The following CCDC152 variants were observed in gnomAD, a reference collection of about 807,000 sequenced individuals.
CCDC152 encodes coiled-coil domain containing 152, also known as coiled-coil domain-containing protein 152.
A neutral mutation model predicts 38.1 loss-of-function variants in CCDC152; 37 were observed. The ratio of observed to expected loss-of-function variants is 0.97; its 90% confidence interval spans 0.75 to 1.28. The LOEUF is 1.28. Ranked by LOEUF, CCDC152 falls within the 50% of genes most tolerant of loss-of-function variation. The pLI is 0.00. For synonymous variants in CCDC152, 83 were observed against 87.1 expected, an observed-to-expected ratio of 0.95 and a Z score of 0.26; for missense variants, 259 against 292.1, an observed-to-expected ratio of 0.89 and a Z score of 0.83.
chr5:42,758,912 T>C (rs1428955746), intron 1 of CCDC152, among the ~76,000 whole-genome samples: 1 of 152,122 alleles, frequency 6.6e-6, no homozygotes, highest in East Asian at 1.9e-4. Context: ...ATAAGTCAAC[T>C]GGGGTGTGGG....
At chr5:42,768,997 A>G (rs1185441206) in intron 3 of CCDC152, among the ~76,000 whole-genome samples, 1 of 152,132 alleles carries the variant, frequency 6.6e-6, no homozygotes, top group East Asian at 1.9e-4. Context: ...TTAGGAGACC[A>G]AGGGGGGTGG....
chr5:42,776,001 A>G (rs1561275345), intron 4 of CCDC152, among the ~76,000 whole-genome samples: 1 of 151,988 alleles, frequency 6.6e-6, no homozygotes, highest in Non-Finnish European at 1.5e-5. Flanking sequence ...TCAAAACCAT[A>G]AAAGGCAGAA....
intron 6 of CCDC152, among the ~76,000 whole-genome samples, chr5:42,786,207 A>T (rs1593071): frequency 6.6e-6 from 1 of 151,790 alleles, no homozygotes; most frequent in Non-Finnish European, 1.5e-5. Context: ...TTCTTTGTAC[A>T]TCTGGTAGAA....
chr5:42,759,114 T>C lies in CCDC152; in HGVS notation c.-2-6T>C. ...TTTAACACTATCTACTGTTTACTAC[T>C]TTCAGGCATGGACCAAAGCAGTGAA... On this transcript the variant is annotated splice_polypyrimidine_tract_variant and splice_region_variant and intron_variant, in intron 1 of 8. Transcript: ENST00000361970. 6.5e-7 allele frequency: 1 copy of C among 1,541,900 alleles called. No homozygotes were observed. Among genetic ancestry groups the C allele is most frequent in the Non-Finnish European group, 8.8e-7 (1 of 1,139,294 alleles).
intron 2 of CCDC152, 150 bp from the exon 3 acceptor site, chr5:42,762,293 T>C: frequency 1.9e-6 from 1 of 529,038 alleles, no homozygotes; most frequent in Non-Finnish European, 3.4e-6. Context: ...GATCAAAATG[T>C]CTTTATGCAG....
At chr5:42,775,862 A>T (rs1048826348) in intron 4 of CCDC152, among the ~76,000 whole-genome samples, 2 of 151,740 alleles carry the variant, frequency 1.3e-5, no homozygotes, top group African/African-American at 4.8e-5. Context: ...TGGATTTGAA[A>T]GTGGACCTGA....
At chr5:42,757,781 T>C (rs531116593) in intron 1 of CCDC152, among the ~76,000 whole-genome samples, 1 of 152,200 alleles carries the variant, frequency 6.6e-6, no homozygotes, top group East Asian at 1.9e-4. Context: ...GGGAAGGAGT[T>C]GAGAGAAAAT....
At chr5:42,788,410 A>G (rs533344901) in intron 6 of CCDC152, among the ~76,000 whole-genome samples, 170 of 152,226 alleles carry the variant, frequency 1.1e-3, no homozygotes, top group African/African-American at 3.7e-3. Flanking sequence ...TCAGGCTAAC[A>G]TAGTAGACTT....
At chr5:42,772,894 AG>A (rs1489047444) in intron 4 of CCDC152, among the ~76,000 whole-genome samples, 1 of 152,144 alleles carries the variant, frequency 6.6e-6, no homozygotes, top group African/African-American at 2.4e-5. Context: ...TCTCCTTAAC[AG>A]GAAACGGTTT....
chr5:42,769,728 G>T, intron 4 of CCDC152, 63 bp downstream of exon 4: 1 of 1,423,740 alleles, frequency 7.0e-7, no homozygotes. Context: ...TTTAAAAATA[G>T]GAAGTTTTTA....
At chr5:42,784,919 T>C (rs1007697773) in intron 6 of CCDC152, among the ~76,000 whole-genome samples, 2 of 152,168 alleles carry the variant, frequency 1.3e-5, no homozygotes, top group Non-Finnish European at 2.9e-5. Context: ...GTTGCAGGTG[T>C]GTGGCTTTAT....
intron 5 of CCDC152, among the ~76,000 whole-genome samples, chr5:42,782,293 G>A (rs1203777682): frequency 6.6e-6 from 1 of 152,164 alleles, no homozygotes; most frequent in Non-Finnish European, 1.5e-5. Context: ...TGGCTCTAAT[G>A]TATAGTTTTG....
chr5:42,785,857 C>G (rs1254047632), intron 6 of CCDC152, among the ~76,000 whole-genome samples: 7 of 151,988 alleles, frequency 4.6e-5, no homozygotes, highest in Admixed American at 4.6e-4. Context: ...TTACCAAATG[C>G]TTTTTCTGCA....
At chr5:42,759,556 G>A (rs1448165326) in intron 2 of CCDC152, among the ~76,000 whole-genome samples, 1 of 152,156 alleles carries the variant, frequency 6.6e-6, no homozygotes, top group Non-Finnish European at 1.5e-5. Flanking sequence ...TATTAAATGG[G>A]AAATTCCCAA....
chr5:42,783,567 C>A lies in CCDC152; in HGVS notation c.421C>A (p.Gln141Lys). 7.4e-7 allele frequency: 1 copy of A among 1,358,568 alleles called. No individual in the cohort carries two copies. Among genetic ancestry groups the A allele is most frequent in the South Asian group, 1.9e-5 (1 of 52,008 alleles). The allele number at this position is 1,358,568 out of a possible 1,614,324, so 84.2% of individuals were successfully genotyped here. A position where few individuals can be genotyped will look rare whatever the true frequency, so the allele number is the denominator to read the frequency against. Residue 141 changes from glutamine (Q) to lysine (K), a missense_variant, in exon 6 of 9, where the codon CAG (glutamine) becomes AAG (lysine). Gln to Lys is a moderately conservative substitution (Grantham distance 53, BLOSUM62 1). Coordinates refer to ENST00000361970, the MANE Select transcript of CCDC152 (RefSeq NM_001134848.2). ...AATAAGCAAACTTTATCAGGACATG[C>A]AGAGAAAAGGTAAGTTTAAAATAAA... ...KEISKLYQDM[Q>K]RKVELNEEKH...
intron 6 of CCDC152, among the ~76,000 whole-genome samples, chr5:42,792,185 G>T (rs77815738): frequency 6.6e-6 from 1 of 152,078 alleles, no homozygotes; most frequent in East Asian, 1.9e-4. Context: ...CTTTCCAACC[G>T]GGGTCCAAAT....
chr5:42,765,260 G>A (rs957873859), intron 3 of CCDC152, among the ~76,000 whole-genome samples: 2 of 152,118 alleles, frequency 1.3e-5, no homozygotes, highest in Non-Finnish European at 2.9e-5. Flanking sequence ...GAAAGAAATT[G>A]AAGAGGACAC....
chr5:42,783,692 T>C, intron 6 of CCDC152, 116 bp downstream of exon 6: 1 of 336,514 alleles, frequency 3.0e-6, no homozygotes, highest in East Asian at 6.8e-5. Flanking sequence ...AACTCATCAA[T>C]TATATAGTGA....
chr5:42,798,668 C>G (rs534077887), intron 7 of CCDC152, among the ~76,000 whole-genome samples: 1 of 152,260 alleles, frequency 6.6e-6, no homozygotes, highest in East Asian at 1.9e-4. Context: ...TTCATTGTAC[C>G]TAACCATTTC....
Sources: allele counts gnomAD v4.1 joint callset (sites outside exome capture counted in the v4.1 genomes callset), GRCh38; gene constraint gnomAD v4.1.1; transcripts MANE v1.5; gene names NCBI Gene and HGNC (gene_info 2026-07-23, HGNC 2026-07-21).